The following KDM4C variants were observed in gnomAD, a reference collection of about 807,000 sequenced individuals.
KDM4C encodes the protein lysine-specific demethylase 4C.
KDM4C carries 81 observed loss-of-function variants against 129.3 expected under a neutral mutation model. The observed-to-expected ratio is 0.63, with a 90% confidence interval of 0.52 to 0.75. The LOEUF (loss-of-function observed/expected upper bound fraction) is 0.75, where lower values mean the gene tolerates loss of function less well. Among genes scored for constraint, KDM4C ranks in the 30% least tolerant of loss-of-function variants. The probability of loss-of-function intolerance (pLI) is 0.00; values close to 1 mark genes in which losing one functional copy is unlikely to be tolerated. For missense variants in KDM4C, 1,457 were observed against 1,304.0 expected, an observed-to-expected ratio of 1.12 and a Z score of -1.81; for synonymous variants, 573 against 456.1, an observed-to-expected ratio of 1.26 and a Z score of -3.26.
intron 12 of KDM4C, among the ~76,000 whole-genome samples, chr9:6,991,533 T>G (rs376436393): frequency 1.3e-5 from 2 of 152,210 alleles, no homozygotes; most frequent in South Asian, 4.1e-4. Context: ...TCAGGCAGGT[T>G]TTCTGTTAAG....
chr9:6,836,527 C>A (rs534893853), intron 4 of KDM4C, among the ~76,000 whole-genome samples: 25 of 152,268 alleles, frequency 1.6e-4, no homozygotes, highest in African/African-American at 6.0e-4. Context: ...AGGGACCAAC[C>A]ACTCTTTTTT....
At chr9:6,944,652 G>GTTT (rs1158199897) in intron 8 of KDM4C, among the ~76,000 whole-genome samples, 18,920 of 80,276 alleles carry the variant, frequency 0.24, 4,151 homozygotes, top group East Asian at 0.58. Flanking sequence ...CAAGGTAGAG[G>GTTT]TTTTTTTTTT....
At chr9:7,070,302 G>A (rs1833013918) in intron 17 of KDM4C, among the ~76,000 whole-genome samples, 1 of 152,148 alleles carries the variant, frequency 6.6e-6, no homozygotes, top group Non-Finnish European at 1.5e-5. Context: ...GTATTATGAT[G>A]TAAAATGTTA....
chr9:6,750,697 G>A (rs930616034), intron 1 of KDM4C, among the ~76,000 whole-genome samples: 2 of 152,244 alleles, frequency 1.3e-5, no homozygotes, highest in Non-Finnish European at 2.9e-5. Flanking sequence ...ATTAGTCAAT[G>A]AAGAGCCAGG....
chr9:6,929,471 C>CTTTTTTT (rs59537472), intron 8 of KDM4C, among the ~76,000 whole-genome samples: 14 of 127,536 alleles, frequency 1.1e-4, no homozygotes, highest in Non-Finnish European at 1.2e-4. Flanking sequence ...TTGACTTTTT[C>CTTTTTTT]TTTTTTTTTT....
chr9:7,168,346 G>A (rs1019219375), intron 20 of KDM4C, among the ~76,000 whole-genome samples: 1 of 151,766 alleles, frequency 6.6e-6, no homozygotes, highest in African/African-American at 2.4e-5. Flanking sequence ...CAAAATTTAG[G>A]GACTTCAAAA....
intron 1 of KDM4C, among the ~76,000 whole-genome samples, chr9:6,749,650 A>T (rs1818004637): frequency 6.6e-6 from 1 of 152,108 alleles, no homozygotes; most frequent in African/African-American, 2.4e-5. Context: ...CCTGGACAAC[A>T]GAGTGAGAGC....
At chr9:6,927,474 A>T (rs1330544465) in intron 8 of KDM4C, among the ~76,000 whole-genome samples, 2 of 152,114 alleles carry the variant, frequency 1.3e-5, no homozygotes, top group Non-Finnish European at 2.9e-5. Context: ...TAGCTTCTAT[A>T]TTTTATAATG....
At chr9:6,823,862 G>A (rs1471131551) in intron 4 of KDM4C, among the ~76,000 whole-genome samples, 2 of 152,194 alleles carry the variant, frequency 1.3e-5, no homozygotes, top group Non-Finnish European at 2.9e-5. Context: ...CCAACTCTTC[G>A]TAGGCTTCTG....
intron 4 of KDM4C, among the ~76,000 whole-genome samples, chr9:6,819,899 C>CAAAAT (rs1564086888): frequency 3.0e-4 from 45 of 152,230 alleles, no homozygotes; most frequent in African/African-American, 1.1e-3. Context: ...TCTCGTGGTT[C>CAAAAT]ATGGCATTAT....
chr9:7,105,775 C>A (rs1036312619), intron 18 of KDM4C, among the ~76,000 whole-genome samples: 2 of 152,112 alleles, frequency 1.3e-5, no homozygotes, highest in Non-Finnish European at 2.9e-5. Context: ...TAAAGAGATC[C>A]AGGTGTTTAA....
chr9:6,763,004 C>T (rs537175173), intron 1 of KDM4C, among the ~76,000 whole-genome samples: 1 of 152,066 alleles, frequency 6.6e-6, no homozygotes, highest in East Asian at 1.9e-4. Context: ...AGATTCCCTA[C>T]TTCCTCATCC....
chr9:6,774,992 G>C (rs777159648), intron 1 of KDM4C, among the ~76,000 whole-genome samples: 2 of 152,036 alleles, frequency 1.3e-5, no homozygotes, highest in African/African-American at 4.8e-5. Context: ...TTAGTTTAAG[G>C]CTTTCTGAGA....
intron 18 of KDM4C, among the ~76,000 whole-genome samples, chr9:7,104,578 T>C (rs372585104): frequency 2.0e-5 from 3 of 150,568 alleles, no homozygotes; most frequent in East Asian, 3.9e-4. Flanking sequence ...TCAAATGAAA[T>C]CTTTCCTGTG....
chr9:7,142,163 T>C (rs1251428344), intron 19 of KDM4C, among the ~76,000 whole-genome samples: 1 of 152,250 alleles, frequency 6.6e-6, no homozygotes, highest in Non-Finnish European at 1.5e-5. Context: ...ACTATATAGC[T>C]GATTCTAACG....
At position 6,768,831 on chromosome 9, in the gene KDM4C, G is replaced by A. The variant is rs190090362; in HGVS notation, c.-18+10628G>A. Among the ~76,000 whole-genome samples, 213 of 151,818 alleles carry A rather than the reference G, an allele frequency of 1.4e-3. 1 individual carries two copies. The highest frequency in any genetic ancestry group is 4.9e-3 in the African/African-American group (202 of 41,400). On this transcript the variant is annotated intron_variant, in intron 1 of 21. Transcript: ENST00000381309. ...TCTGTTGCCCAGGCTGGAGTGCAGT[G>A]ATGCAATCTCTGCTCACTGCAACCT...
chr9:6,914,163 G>T (rs1231609142), intron 8 of KDM4C, among the ~76,000 whole-genome samples: 1 of 152,140 alleles, frequency 6.6e-6, no homozygotes, highest in Non-Finnish European at 1.5e-5. Context: ...AGGTTCAAGC[G>T]ATTCTCCTGC....
chr9:6,849,073 G>A (rs1588678064), intron 4 of KDM4C, among the ~76,000 whole-genome samples: 1 of 152,160 alleles, frequency 6.6e-6, no homozygotes, highest in South Asian at 2.1e-4. Flanking sequence ...ATATGTGATG[G>A]TGAATATTAC....
At chr9:6,883,600 C>G (rs192341207) in intron 6 of KDM4C, among the ~76,000 whole-genome samples, 1 of 152,164 alleles carries the variant, frequency 6.6e-6, no homozygotes, top group Non-Finnish European at 1.5e-5. Flanking sequence ...ACATGAAATA[C>G]ACCCAAATAA....
Sources: allele counts gnomAD v4.1 joint callset (sites outside exome capture counted in the v4.1 genomes callset), GRCh38; gene constraint gnomAD v4.1.1; transcripts MANE v1.5; gene names NCBI Gene and HGNC (gene_info 2026-07-23, HGNC 2026-07-21).